Variants in CADM2 observed in about 807,000 individuals in gnomAD.
CADM2 encodes the protein cell adhesion molecule 2, also known as immunoglobulin superfamily member 4D.
A neutral mutation model predicts 49.8 loss-of-function variants in CADM2; 12 were observed. The observed-to-expected ratio is 0.24, with a 90% CI of 0.15 to 0.39. CADM2 has a LOEUF of 0.39. Ranked by LOEUF, CADM2 falls within the 10% of genes least tolerant of loss-of-function variation. The pLI is 1.00. For synonymous variants in CADM2, 214 were observed against 175.4 expected, an observed-to-expected ratio of 1.22 and a Z score of -1.74; for missense variants, 378 against 492.3, an observed-to-expected ratio of 0.77 and a Z score of 2.20.
At position 85,169,071 on chromosome 3, in the gene CADM2, G is replaced by A. The variant is rs1327293492; in HGVS notation, c.61+209403G>A. Among the ~76,000 whole-genome samples, 5 of 152,088 alleles carry A rather than the reference G, an allele frequency of 3.3e-5. No individual in the cohort carries two copies. The East Asian group carries it at 9.6e-4, about 29-fold the overall frequency. ...GGGTTCCAGGGATTCTTCTGCCTCA[G>A]CCTCAGGAGTATCTGGGGTTACAGG... On this transcript the variant is annotated intron_variant, in intron 1 of 9. Coordinates refer to ENST00000383699, the MANE Select transcript of CADM2 (RefSeq NM_001167675.2).
chr3:86,033,755 AT>A (rs1284659049), intron 8 of CADM2, among the ~76,000 whole-genome samples: 2 of 146,216 alleles, frequency 1.4e-5, no homozygotes, highest in Non-Finnish European at 3.0e-5. Flanking sequence ...ATAAAGAAAT[AT>A]ATATATATAC....
intron 1 of CADM2, among the ~76,000 whole-genome samples, chr3:85,568,465 C>CTTTCTTTCTTTGTCTTTCTTTCTT (rs2062361395): frequency 1.5e-4 from 1 of 6,508 alleles, no homozygotes; most frequent in Non-Finnish European, 5.0e-4. Context: ...CTTTCTTTCT[C>CTTTCTTTCTTTGTCTTTCTTTCTT]TTTCTCTCTC....
At chr3:85,351,872 A>T (rs1368746) in intron 1 of CADM2, among the ~76,000 whole-genome samples, 1 of 151,942 alleles carries the variant, frequency 6.6e-6, no homozygotes, top group East Asian at 1.9e-4. Context: ...TGGGTCATTG[A>T]CTTCCTTACA....
At chr3:85,800,639 GGC>G (rs1222842316) in intron 2 of CADM2, among the ~76,000 whole-genome samples, 1 of 152,136 alleles carries the variant, frequency 6.6e-6, no homozygotes, top group Non-Finnish European at 1.5e-5. Context: ...AGGACCTCAT[GGC>G]TTCTCTTATT....
chr3:85,137,957 T>C (rs1391853050), intron 1 of CADM2, among the ~76,000 whole-genome samples: 2 of 151,766 alleles, frequency 1.3e-5, no homozygotes, highest in African/African-American at 4.8e-5. Context: ...ATCTGAGAGG[T>C]TTTTCTTTCT....
chr3:85,931,382 G>A (rs1720569326), intron 6 of CADM2, among the ~76,000 whole-genome samples: 1 of 152,108 alleles, frequency 6.6e-6, no homozygotes, highest in Non-Finnish European at 1.5e-5. Context: ...GGCCGAGGCT[G>A]CAGTGAGCTG....
chr3:85,114,558 T>C (rs1378171308), intron 1 of CADM2, among the ~76,000 whole-genome samples: 4 of 152,182 alleles, frequency 2.6e-5, no homozygotes, highest in Non-Finnish European at 5.9e-5. Flanking sequence ...AAGTAACCTG[T>C]CTACAGTATG....
chr3:85,642,480 T>A (rs1445417558), intron 1 of CADM2, among the ~76,000 whole-genome samples: 2 of 152,026 alleles, frequency 1.3e-5, no homozygotes, highest in Non-Finnish European at 1.5e-5. Context: ...AATGGAAGGT[T>A]TTTAAAAAAT....
intron 5 of CADM2, among the ~76,000 whole-genome samples, chr3:85,894,168 T>TA (rs1714879869): frequency 6.6e-6 from 1 of 151,502 alleles, no homozygotes; most frequent in Non-Finnish European, 1.5e-5. Context: ...TATGCAGCCA[T>TA]AAAAAATGAT....
At chr3:85,275,100 A>T (rs959520742) in intron 1 of CADM2, among the ~76,000 whole-genome samples, 12 of 151,532 alleles carry the variant, frequency 7.9e-5, no homozygotes, top group African/African-American at 2.9e-4. Flanking sequence ...GCCATTTTAA[A>T]TGTTCTATCA....
chr3:85,708,194 T>C (rs1366098481), intron 1 of CADM2, among the ~76,000 whole-genome samples: 2 of 152,292 alleles, frequency 1.3e-5, no homozygotes, highest in African/African-American at 2.4e-5. Context: ...AGAATGTAGA[T>C]ACTAAAATAA....
intron 1 of CADM2, among the ~76,000 whole-genome samples, chr3:85,568,254 C>T (rs1001627182): frequency 3.3e-5 from 5 of 152,002 alleles, no homozygotes; most frequent in African/African-American, 4.8e-5. Flanking sequence ...ATTCACTCTG[C>T]GAAGTGGTAC....
At chr3:85,403,274 T>C (rs999270007) in intron 1 of CADM2, among the ~76,000 whole-genome samples, 2 of 152,126 alleles carry the variant, frequency 1.3e-5, no homozygotes, top group African/African-American at 4.8e-5. Context: ...AGTATGTAGT[T>C]CTTTACTGCA....
intron 1 of CADM2, among the ~76,000 whole-genome samples, chr3:85,365,493 T>G (rs970085412): frequency 1.3e-5 from 2 of 152,124 alleles, no homozygotes; most frequent in African/African-American, 4.8e-5. Flanking sequence ...AGTAATAGCC[T>G]TGGTTGACAG....
chr3:85,192,286 T>C (rs750248941), intron 1 of CADM2, among the ~76,000 whole-genome samples: 6 of 152,022 alleles, frequency 3.9e-5, no homozygotes, highest in Non-Finnish European at 5.9e-5. Context: ...AGTCTTAGAA[T>C]TCAATTATTT....
chr3:85,476,085 C>G (rs551777059), intron 1 of CADM2, among the ~76,000 whole-genome samples: 3 of 151,986 alleles, frequency 2.0e-5, no homozygotes, highest in Admixed American at 6.6e-5. Flanking sequence ...TTAAACACTA[C>G]TTCAAATGAT....
intron 1 of CADM2, among the ~76,000 whole-genome samples, chr3:85,212,864 T>TCTCTCTCTCTCTCTCTC (rs1220821527): frequency 2.8e-5 from 3 of 107,260 alleles, no homozygotes; most frequent in Non-Finnish European, 6.2e-5. Flanking sequence ...CTTTCTTTCT[T>TCTCTCTCTCTCTCTCTC]TCTTTCTTTC....
intron 7 of CADM2, among the ~76,000 whole-genome samples, chr3:85,958,181 C>A (rs1724295656): frequency 6.6e-6 from 1 of 151,714 alleles, no homozygotes; most frequent in Non-Finnish European, 1.5e-5. Context: ...ATGCAGCCAA[C>A]AAACATACAA....
intron 1 of CADM2, among the ~76,000 whole-genome samples, chr3:85,584,047 C>G (rs949306768): frequency 6.6e-6 from 1 of 151,904 alleles, no homozygotes; most frequent in African/African-American, 2.4e-5. Context: ...TGCAATTTGT[C>G]ATATTGTTAA....
Sources: allele counts gnomAD v4.1 joint callset (sites outside exome capture counted in the v4.1 genomes callset), GRCh38; gene constraint gnomAD v4.1.1; transcripts MANE v1.5; gene names NCBI Gene and HGNC (gene_info 2026-07-23, HGNC 2026-07-21).